Variants in PLCG2 observed in about 807,000 individuals in gnomAD.
PLCG2 encodes the protein 1-phosphatidylinositol 4,5-bisphosphate phosphodiesterase gamma-2.
PLCG2 carries 69 observed loss-of-function variants against 175.6 expected under a neutral mutation model. The observed-to-expected ratio is 0.39, with a 90% confidence interval of 0.32 to 0.48. The LOEUF is 0.48. Among genes scored for constraint, PLCG2 ranks in the 20% least tolerant of loss-of-function variants. The probability of loss-of-function intolerance (pLI) is 0.91; values close to 1 mark genes in which losing one functional copy is unlikely to be tolerated. For synonymous variants in PLCG2, 827 were observed against 624.0 expected, an observed-to-expected ratio of 1.33 and a Z score of -4.85; for missense variants, 1,798 against 1,650.9, an observed-to-expected ratio of 1.09 and a Z score of -1.54.
In PLCG2 at chr16:81,891,534, C is replaced by T. The variant is rs1290511782; in HGVS notation, c.930C>T (p.Asp310=). ...SIWDEKYDAV[D]MQDMNNPLSH... is the part of the protein sequence containing the mutation. ...GGGATGAGAAGTATGACGCGGTGGA[C>T]ATGCAGGACATGAACAACCCCCTGT... The change falls in exon 11 of 33, where the codon GAC becomes GAT. Residue 310 remains aspartate, a synonymous_variant. Transcript: ENST00000564138. 8 of 1,612,290 alleles carry T rather than the reference C, an allele frequency of 5.0e-6. No homozygotes were observed. The highest frequency in any genetic ancestry group is 4.5e-5 in the East Asian group (2 of 44,874).
chr16:81,801,707 G>A (rs1567471199), intron 2 of PLCG2, among the ~76,000 whole-genome samples: 1 of 151,608 alleles, frequency 6.6e-6, no homozygotes, highest in Admixed American at 6.6e-5. Context: ...TTGAGGTGGT[G>A]TCTTGCTTTG....
intron 2 of PLCG2, among the ~76,000 whole-genome samples, chr16:81,839,941 C>T (rs888448948): frequency 2.2e-4 from 33 of 152,174 alleles, no homozygotes; most frequent in African/African-American, 6.3e-4. Context: ...GTCCCAGTCA[C>T]CTGGCTTTGG....
At chr16:81,775,303 T>C (rs947565180), upstream of PLCG2, among the ~76,000 whole-genome samples, 1 of 152,160 alleles carries the variant, frequency 6.6e-6, no homozygotes, top group Non-Finnish European at 1.5e-5. Flanking sequence ...GATTTGCTAA[T>C]TCTGCATATG....
intron 1 of PLCG2, among the ~76,000 whole-genome samples, chr16:81,741,648 A>G (rs1293088392): frequency 1.3e-5 from 2 of 152,140 alleles, no homozygotes; most frequent in African/African-American, 4.8e-5. Flanking sequence ...TGTCTCTACG[A>G]AAAATACAAA....
intron 2 of PLCG2, among the ~76,000 whole-genome samples, chr16:81,845,216 T>C (rs958385242): frequency 1.3e-5 from 2 of 152,208 alleles, no homozygotes; most frequent in African/African-American, 2.4e-5. Context: ...GCTGGAATTA[T>C]AGGCATGAGC....
chr16:81,938,046 G>A (rs961105602), intron 28 of PLCG2, 143 bp downstream of exon 28: 10 of 733,912 alleles, frequency 1.4e-5, no homozygotes, highest in Non-Finnish European at 2.2e-5. Flanking sequence ...AGTGTTTGAG[G>A]ATCTTTCTTT....
chr16:81,753,266 A>T (rs902589942), intron 1 of PLCG2, among the ~76,000 whole-genome samples: 1 of 149,246 alleles, frequency 6.7e-6, no homozygotes, highest in Non-Finnish European at 1.5e-5. Context: ...AGCCCCATTG[A>T]GCCAATTTGG....
intron 2 of PLCG2, among the ~76,000 whole-genome samples, chr16:81,829,586 T>G (rs1439897303): frequency 1.3e-5 from 2 of 152,256 alleles, no homozygotes; most frequent in African/African-American, 4.8e-5. Flanking sequence ...CACATCGCTA[T>G]CAAAGTTCCA....
chr16:81,799,741 C>T (rs1013465406), intron 2 of PLCG2, among the ~76,000 whole-genome samples: 10 of 152,006 alleles, frequency 6.6e-5, no homozygotes, highest in South Asian at 2.1e-4. Context: ...TACAGGCGCC[C>T]GCCACCACAC....
intron 2 of PLCG2, among the ~76,000 whole-genome samples, chr16:81,796,309 G>C (rs1177332519): frequency 6.6e-6 from 1 of 152,246 alleles, no homozygotes; most frequent in African/African-American, 2.4e-5. Flanking sequence ...ATCAGTGACA[G>C]CTTTGGTTTT....
intron 1 of PLCG2, among the ~76,000 whole-genome samples, chr16:81,751,977 G>A (rs1413917553): frequency 6.6e-6 from 1 of 152,030 alleles, no homozygotes; most frequent in East Asian, 1.9e-4. Context: ...AGCCGAGATT[G>A]TGCCACTGCA....
intron 2 of PLCG2, among the ~76,000 whole-genome samples, chr16:81,847,428 CG>C (rs1906183218): frequency 6.6e-6 from 1 of 152,010 alleles, no homozygotes; most frequent in Non-Finnish European, 1.5e-5. Context: ...CCTTCCTGGA[CG>C]TTGGGGGTAG....
rs553253157 is a variant in PLCG2 at position 81,850,866 on chromosome 16, G to A, written c.194-3578G>A. ...CATTCTTCAGATCTCCTGCACATGC[G>A]GGCAATAGGGTTAACTCCCTTGAGT... is the stretch of plus-strand genomic sequence containing the variant. On this transcript the variant is annotated intron_variant, in intron 2 of 32. Coordinates refer to ENST00000564138, the MANE Select transcript of PLCG2 (RefSeq NM_002661.5). Among the ~76,000 whole-genome samples the A allele has an allele frequency of 1.2e-4, 18 of 152,260 alleles. No homozygotes were observed. The South Asian group carries it at 1.9e-3, about 16-fold the overall frequency.
At chr16:81,896,038 G>A in intron 13 of PLCG2, 111 bp downstream of exon 13, 8 of 1,350,368 alleles carry the variant, frequency 5.9e-6, no homozygotes, top group Non-Finnish European at 8.3e-6. Flanking sequence ...CCAAATGCGG[G>A]AAGGCCTGGG....
intron 2 of PLCG2, among the ~76,000 whole-genome samples, chr16:81,801,900 C>T (rs961508024): frequency 1.7e-4 from 26 of 151,812 alleles, no homozygotes; most frequent in African/African-American, 3.1e-4. Flanking sequence ...AGGCTGGTCT[C>T]GAACTCCTGA....
chr16:81,822,003 G>A (rs2143339117), intron 2 of PLCG2, among the ~76,000 whole-genome samples: 1 of 152,208 alleles, frequency 6.6e-6, no homozygotes, highest in African/African-American at 2.4e-5. Flanking sequence ...CTTTTCCTGT[G>A]TTAACTAGGG....
intron 24 of PLCG2, among the ~76,000 whole-genome samples, chr16:81,929,211 G>A (rs989771858): frequency 2.0e-5 from 3 of 152,186 alleles, no homozygotes; most frequent in African/African-American, 7.2e-5. Context: ...TCTTGAGCCT[G>A]CCTGCTTTGA....
In PLCG2 at chr16:81,923,710, G is replaced by T. The variant is rs868103199; in HGVS notation, c.2417+116G>T. 20 of 619,220 alleles carry T rather than the reference G, an allele frequency of 3.2e-5. No individual in the cohort carries two copies. The South Asian group carries it at 3.5e-4, about 11-fold the overall frequency. 38.4% of individuals were successfully genotyped at this position (619,220 alleles called of 1,614,324 possible). A position where few individuals can be genotyped will look rare whatever the true frequency, so the allele number is the denominator to read the frequency against. On this transcript the variant is annotated intron_variant, in intron 22 of 32. Coordinates refer to ENST00000564138, the MANE Select transcript of PLCG2 (RefSeq NM_002661.5). ...CCCTTTGTCATCCTGGGCTGGCTTT[G>T]ACCTCTTGTGTTAAGTCCCTTCTTA... is the stretch of plus-strand genomic sequence containing the variant.
chr16:81,843,307 A>G (rs985962562), intron 2 of PLCG2, among the ~76,000 whole-genome samples: 3 of 152,168 alleles, frequency 2.0e-5, no homozygotes, highest in East Asian at 1.9e-4. Context: ...GTTGGTGGAA[A>G]TCTTTTGGTA....
Sources: gnomAD v4.1 joint callset for allele counts (sites outside exome capture counted in the v4.1 genomes callset) on GRCh38, gnomAD v4.1.1 for gene constraint, MANE v1.5 for transcripts, NCBI Gene and HGNC (gene_info 2026-07-23, HGNC 2026-07-21) for gene names.